Variants in NEK11 observed in about 807,000 individuals in gnomAD.
NEK11 encodes NIMA related kinase 11.
NEK11 carries 72 observed loss-of-function variants against 80.7 expected under a neutral mutation model. The observed-to-expected ratio is 0.89, with a 90% confidence interval of 0.74 to 1.08. The LOEUF (loss-of-function observed/expected upper bound fraction) is 1.08. NEK11 is among the 50% of genes least tolerant of loss of function. The pLI, the probability that NEK11 is intolerant of heterozygous loss-of-function variation, is 0.00. For missense variants in NEK11, 764 were observed against 763.6 expected, an observed-to-expected ratio of 1.00 and a Z score of -0.01; for synonymous variants, 251 against 260.7, an observed-to-expected ratio of 0.96 and a Z score of 0.36.
At chr3:131,041,512 G>A (rs994328465) in intron 3 of NEK11, among the ~76,000 whole-genome samples, 5 of 152,120 alleles carry the variant, frequency 3.3e-5, no homozygotes, top group African/African-American at 1.2e-4. Flanking sequence ...AACTCTGTGT[G>A]TGTGTGTGTA....
intron 17 of NEK11, among the ~76,000 whole-genome samples, chr3:131,346,416 A>T (rs968429553): frequency 1.3e-5 from 2 of 152,224 alleles, no homozygotes; most frequent in Non-Finnish European, 2.9e-5. Context: ...AAACACGGTA[A>T]GATTGCTGGG....
intron 14 of NEK11, among the ~76,000 whole-genome samples, chr3:131,206,674 TA>T (rs1193620846): frequency 2.6e-5 from 4 of 151,954 alleles, no homozygotes; most frequent in African/African-American, 7.3e-5. Flanking sequence ...TTTATTTATT[TA>T]TTTTTTTATT....
intron 17 of NEK11, among the ~76,000 whole-genome samples, chr3:131,297,240 G>T (rs7427430): frequency 0.12 from 17,837 of 151,706 alleles, 1,439 homozygotes; most frequent in East Asian, 0.29. Flanking sequence ...TCGCCACACT[G>T]ACTTCCACAA....
chr3:131,038,822 T>G (rs989761738), intron 3 of NEK11, among the ~76,000 whole-genome samples: 10 of 152,238 alleles, frequency 6.6e-5, no homozygotes, highest in Non-Finnish European at 1.3e-4. Flanking sequence ...TTTAAATTTA[T>G]CATTCCACTC....
At chr3:131,177,315 T>G (rs1197118557) in intron 14 of NEK11, among the ~76,000 whole-genome samples, 1 of 152,212 alleles carries the variant, frequency 6.6e-6, no homozygotes, top group Non-Finnish European at 1.5e-5. Context: ...AAATTTGTTT[T>G]TCATCAATAA....
At chr3:131,233,291 G>C (rs185447581) in intron 15 of NEK11, among the ~76,000 whole-genome samples, 1 of 152,308 alleles carries the variant, frequency 6.6e-6, no homozygotes, top group African/African-American at 2.4e-5. Context: ...CATTGCCTGG[G>C]AGTTGCCTGG....
At chr3:131,253,193 T>A (rs1489784889) in intron 16 of NEK11, among the ~76,000 whole-genome samples, 2 of 152,140 alleles carry the variant, frequency 1.3e-5, no homozygotes, top group Non-Finnish European at 2.9e-5. Context: ...CCTGGACAGA[T>A]CAGTGCAAGG....
chr3:131,216,103 G>A lies in NEK11; in HGVS notation c.1400-12425G>A, dbSNP rs146358261. Among the ~76,000 whole-genome samples, 506 of 152,304 alleles carry A rather than the reference G, an allele frequency of 3.3e-3. 3 individuals are homozygous for A. The highest frequency in any genetic ancestry group is 5.5e-3 in the Non-Finnish European group (375 of 68,026). ...TATTAGGTCAATTCTAAAAGAAGTG[G>A]TACTTTAAAGAGATGAAGTGGGAAA... On this transcript the variant is annotated intron_variant, in intron 14 of 17. Coordinates refer to ENST00000383366, the MANE Select transcript of NEK11 (RefSeq NM_024800.5).
chr3:131,175,835 A>G (rs1052986849), intron 14 of NEK11, among the ~76,000 whole-genome samples: 1 of 152,230 alleles, frequency 6.6e-6, no homozygotes, highest in Non-Finnish European at 1.5e-5. Context: ...TTAGCTGTCT[A>G]TGTGTTAGCT....
chr3:131,065,329 T>C (rs1051040035), intron 3 of NEK11, among the ~76,000 whole-genome samples: 7 of 152,234 alleles, frequency 4.6e-5, no homozygotes, highest in Admixed American at 1.3e-4. Context: ...TTTCACAAGT[T>C]ATTCCTTGAA....
intron 16 of NEK11, among the ~76,000 whole-genome samples, chr3:131,264,949 C>G (rs2096017021): frequency 6.6e-6 from 1 of 152,082 alleles, no homozygotes; most frequent in Non-Finnish European, 1.5e-5. Flanking sequence ...AAGTTGGATT[C>G]CTAGGTATTT....
At chr3:131,107,146 C>T (rs562036658) in intron 4 of NEK11, among the ~76,000 whole-genome samples, 1 of 152,154 alleles carries the variant, frequency 6.6e-6, no homozygotes, top group South Asian at 2.1e-4. Flanking sequence ...TAATGTGCCT[C>T]ACAAGTAACC....
chr3:131,248,034 C>A (rs2095634604), intron 16 of NEK11, among the ~76,000 whole-genome samples: 1 of 152,060 alleles, frequency 6.6e-6, no homozygotes, highest in East Asian at 1.9e-4. Context: ...ATCATATGAT[C>A]AGCAAACTGA....
At chr3:131,156,992 G>A (rs566272266) in intron 10 of NEK11, among the ~76,000 whole-genome samples, 1 of 152,090 alleles carries the variant, frequency 6.6e-6, no homozygotes, top group Non-Finnish European at 1.5e-5. Flanking sequence ...GATCTGCTGG[G>A]AGGAGGATGA....
At chr3:131,072,023 T>C (rs2073431607) in intron 3 of NEK11, among the ~76,000 whole-genome samples, 1 of 152,238 alleles carries the variant, frequency 6.6e-6, no homozygotes. Flanking sequence ...TCTCTACCCC[T>C]GATTCTAATC....
intron 14 of NEK11, among the ~76,000 whole-genome samples, chr3:131,225,747 G>C (rs1190939135): frequency 1.3e-5 from 2 of 152,138 alleles, no homozygotes; most frequent in Non-Finnish European, 2.9e-5. Context: ...ACTGCAGGTT[G>C]AGAGGTCAGT....
chr3:131,129,721 C>G (rs1196444788), intron 5 of NEK11, among the ~76,000 whole-genome samples: 1 of 152,166 alleles, frequency 6.6e-6, no homozygotes, highest in East Asian at 1.9e-4. Context: ...CATTGCATTG[C>G]CTTTGCTTCT....
chr3:131,325,298 A>G (rs2096949112), intron 17 of NEK11: 1 of 127,886 alleles, frequency 7.8e-6, no homozygotes, highest in Non-Finnish European at 1.6e-5. Context: ...GAAATAACTT[A>G]TACCATTTAC....
At chr3:131,295,455 A>G (rs1283186724) in intron 17 of NEK11, among the ~76,000 whole-genome samples, 1 of 152,208 alleles carries the variant, frequency 6.6e-6, no homozygotes, top group Non-Finnish European at 1.5e-5. Context: ...TGGATTAGGG[A>G]TACTCAACGT....
Sources: gnomAD v4.1 joint callset for allele counts (sites outside exome capture counted in the v4.1 genomes callset) on GRCh38, gnomAD v4.1.1 for gene constraint, MANE v1.5 for transcripts, NCBI Gene and HGNC (gene_info 2026-07-23, HGNC 2026-07-21) for gene names.